Variants in ZEB2 observed in about 807,000 individuals in gnomAD.
ZEB2 encodes zinc finger E-box-binding homeobox 2.
A neutral mutation model predicts 99.9 loss-of-function variants in ZEB2; 6 were observed. The observed-to-expected ratio is 0.06, with a 90% CI of 0.03 to 0.12. ZEB2 has a LOEUF of 0.12. Among genes scored for constraint, ZEB2 ranks in the 10% least tolerant of loss-of-function variants. The pLI is 1.00. For missense variants in ZEB2, 969 were observed against 1,502.8 expected, an observed-to-expected ratio of 0.64 and a Z score of 5.87; for synonymous variants, 517 against 542.5, an observed-to-expected ratio of 0.95 and a Z score of 0.65.
At chr2:144,473,004 G>A (rs1193915047) in intron 2 of ZEB2, among the ~76,000 whole-genome samples, 8 of 152,156 alleles carry the variant, frequency 5.3e-5, no homozygotes, top group Admixed American at 3.9e-4. Flanking sequence ...AAATTTGTCA[G>A]TGTTATTAAA....
At chr2:144,507,906 G>T (rs967511968) in intron 2 of ZEB2, among the ~76,000 whole-genome samples, 3 of 152,036 alleles carry the variant, frequency 2.0e-5, no homozygotes, top group Non-Finnish European at 4.4e-5. Context: ...GCTAAATTTT[G>T]GTCTTTGATT....
Position 144,386,188 on chromosome 2 carries a change from G to C in ZEB2, c.*3263C>G, listed in dbSNP as rs1030983124. 6.6e-6 allele frequency: 1 copy of C among 152,192 alleles called. No individual in the cohort carries two copies. The highest frequency in any genetic ancestry group is 1.5e-5 in the Non-Finnish European group (1 of 68,032). The allele number at this position is 152,192 out of a possible 1,614,324, so 9.4% of individuals were successfully genotyped here. On this transcript the variant is annotated 3_prime_UTR_variant, in exon 10 of 10. Transcript: ENST00000627532. ...GGAAAGGTTAGATTTAGAACTAAGC[G>C]TGTGGGAAGAGTAAGTAGTTGATAA...
intron 2 of ZEB2, among the ~76,000 whole-genome samples, chr2:144,437,492 C>G (rs1198759521): frequency 6.6e-6 from 1 of 152,136 alleles, no homozygotes; most frequent in Non-Finnish European, 1.5e-5. Flanking sequence ...TTGCTCTATA[C>G]AAACCATCAG....
Position 144,387,283 on chromosome 2 carries a change from T to C in ZEB2, c.*2168A>G, listed in dbSNP as rs982161132. 7.9e-5 allele frequency: 12 copies of C among 152,144 alleles called. No homozygotes were observed. The highest frequency in any genetic ancestry group is 2.7e-4 in the African/African-American group (11 of 41,452). 9.4% of individuals were successfully genotyped at this position (152,144 alleles called of 1,614,324 possible). A position where few individuals can be genotyped will look rare whatever the true frequency, so the allele number is the denominator to read the frequency against. The stretch of plus-strand genomic sequence containing the variant: ...AAATACATGGACAGCTACTATATTA[T>C]AGTTCTGTATATTCAAGAGCTGTAA... On this transcript the variant is annotated 3_prime_UTR_variant, in exon 10 of 10. Coordinates refer to ENST00000627532, the MANE Select transcript of ZEB2 (RefSeq NM_014795.4).
chr2:144,506,493 A>G (rs776602892), intron 2 of ZEB2, among the ~76,000 whole-genome samples: 3 of 152,214 alleles, frequency 2.0e-5, no homozygotes, highest in African/African-American at 7.2e-5. Context: ...GAGAATTCTC[A>G]TGATGTGAAA....
At position 144,389,679 on chromosome 2, in the gene ZEB2, C is replaced by T. The variant is rs1703129079; in HGVS notation, c.3417G>A (p.Glu1139=). Residue 1139 remains glutamate, a synonymous_variant, in exon 10 of 10, where the codon GAG becomes GAA. Transcript: ENST00000627532. The surrounding 1 kb of genome is among the most constrained non-coding windows in gnomAD (Gnocchi z 6.8). The part of the protein sequence containing the change: ...SMPRDGESEK[E]HEKEGEDGYG... ...AGCCATCCTCGCCTTCTTTCTCGTG[C>T]TCCTTCTCGCTCTCGCCATCCCTCG... The T allele has an allele frequency of 6.2e-7, 1 of 1,614,138 alleles. No individual in the cohort carries two copies. Among genetic ancestry groups the T allele is most frequent in the Non-Finnish European group, 8.5e-7 (1 of 1,180,020 alleles).
chr2:144,427,458 A>G (rs1703704674), intron 3 of ZEB2: 1 of 152,234 alleles, frequency 6.6e-6, no homozygotes, highest in Non-Finnish European at 1.5e-5. Context: ...GTGCTGAGGT[A>G]TGACTGTAGA....
chr2:144,488,605 G>A (rs898242473), intron 2 of ZEB2, among the ~76,000 whole-genome samples: 1 of 151,728 alleles, frequency 6.6e-6, no homozygotes, highest in African/African-American at 2.4e-5. Context: ...AGCAGGAAAA[G>A]TTGCTTAAAT....
chr2:144,413,711 TTAAG>T (rs971248510), intron 4 of ZEB2, among the ~76,000 whole-genome samples: 37 of 152,346 alleles, frequency 2.4e-4, no homozygotes, highest in Admixed American at 2.4e-3. Context: ...TCCCTCCTTG[TTAAG>T]TATTTAGGTA....
At chr2:144,411,071 A>ATG (rs1703454870) in intron 4 of ZEB2, among the ~76,000 whole-genome samples, 1 of 104,538 alleles carries the variant, frequency 9.6e-6, no homozygotes, top group Non-Finnish European at 2.0e-5. Context: ...ATATATATAT[A>ATG]TATATATATA....
chr2:144,477,481 C>T (rs544376305), intron 2 of ZEB2, among the ~76,000 whole-genome samples: 66 of 152,268 alleles, frequency 4.3e-4, no homozygotes, highest in Admixed American at 3.1e-3. Context: ...TCATAAAATT[C>T]CTATAATTCT....
chr2:144,503,198 A>G (rs1433555496), intron 2 of ZEB2, among the ~76,000 whole-genome samples: 1 of 152,218 alleles, frequency 6.6e-6, no homozygotes, highest in Admixed American at 6.5e-5. Context: ...AAACTGGATG[A>G]GCAAATGGAC....
At chr2:144,494,076 C>A (rs1474317089) in intron 2 of ZEB2, among the ~76,000 whole-genome samples, 5 of 133,848 alleles carry the variant, frequency 3.7e-5, no homozygotes, top group African/African-American at 1.4e-4. Context: ...GGCCTGAACC[C>A]GGGAGGCGGA....
intron 4 of ZEB2, chr2:144,405,379 A>T: frequency 3.9e-6 from 1 of 258,308 alleles, no homozygotes; most frequent in Non-Finnish European, 7.6e-6. Context: ...AGATAATATA[A>T]GATTAAGCCT....
chr2:144,515,581 TG>T (rs1705119527), intron 2 of ZEB2, among the ~76,000 whole-genome samples: 1 of 151,758 alleles, frequency 6.6e-6, no homozygotes, highest in South Asian at 2.1e-4. Context: ...AACTGAATCT[TG>T]GGGAAGCAGC....
chr2:144,398,942 T>G lies in ZEB2; in HGVS notation c.2245A>C (p.Asn749His). Residue 749 changes from asparagine to histidine, a missense_variant, in exon 8 of 10, where the codon AAC becomes CAC. By Grantham distance (68) the Asn-to-His change is moderately conservative (BLOSUM62 1). Transcript: ENST00000627532. ...GGAGGATCACAATTCGTAACACTGT[T>G]GTGGAGTTCTGCTATAGATGGTGAT... is the stretch of plus-strand genomic sequence containing the variant. ...ITSPSIAELHNSVTNCDPPLR... is the reference protein window; with the variant it reads ...ITSPSIAELHHSVTNCDPPLR... 1 of 1,614,158 alleles carries G rather than the reference T, an allele frequency of 6.2e-7. No individual in the cohort carries two copies. Among genetic ancestry groups the G allele is most frequent in the Non-Finnish European group, 8.5e-7 (1 of 1,180,024 alleles).
At chr2:144,517,729 C>T in intron 1 of ZEB2, 1 of 702,738 alleles carries the variant, frequency 1.4e-6, no homozygotes, top group Non-Finnish European at 2.6e-6. Context: ...GACCGCTTGA[C>T]TCAGGGCTAG....
chr2:144,460,118 G>A (rs1441259201), intron 2 of ZEB2, among the ~76,000 whole-genome samples: 1 of 152,154 alleles, frequency 6.6e-6, no homozygotes, highest in African/African-American at 2.4e-5. Context: ...CATTCTGAAT[G>A]CAATTCTGGC....
chr2:144,421,920 T>C (rs1703623979), intron 4 of ZEB2, among the ~76,000 whole-genome samples: 1 of 152,216 alleles, frequency 6.6e-6, no homozygotes, highest in Non-Finnish European at 1.5e-5. Flanking sequence ...AAAATACTTG[T>C]GTCTAAAGGC....
Sources: gnomAD v4.1 joint callset for allele counts (sites outside exome capture counted in the v4.1 genomes callset) on GRCh38, gnomAD v4.1.1 for gene constraint, Gnocchi (gnomAD v3.1) non-coding constraint, MANE v1.5 for transcripts, NCBI Gene and HGNC (gene_info 2026-07-23, HGNC 2026-07-21) for gene names.